CERS6: variants seen among roughly 807,000 people sequenced by gnomAD.
The protein encoded by CERS6 is LAG1 homolog, ceramide synthase 6.
Under a neutral mutation model 56.8 loss-of-function variants are expected in CERS6, and 26 were observed. The ratio of observed to expected loss-of-function variants is 0.46; its 90% CI spans 0.34 to 0.63. CERS6 has a LOEUF of 0.63. Ranked by LOEUF, CERS6 falls within the 30% of genes least tolerant of loss-of-function variation. The pLI is 0.01. For missense variants in CERS6, 415 were observed against 467.5 expected (o/e 0.89, Z 1.04); for synonymous variants, 164 against 173.3 (o/e 0.95, Z 0.42).
At chr2:168,560,592 A>G (rs1046561324) in intron 2 of CERS6, among the ~76,000 whole-genome samples, 1 of 152,190 alleles carries the variant, frequency 6.6e-6, no homozygotes, top group East Asian at 1.9e-4. Flanking sequence ...AAAAGGGATG[A>G]CCAAGAAAAC....
chr2:168,707,807 A>T (rs1458768339), intron 6 of CERS6, among the ~76,000 whole-genome samples: 20 of 151,968 alleles, frequency 1.3e-4, no homozygotes, highest in Admixed American at 1.2e-3. Flanking sequence ...TTGTCTTAAG[A>T]CCCTACACAA....
intron 6 of CERS6, among the ~76,000 whole-genome samples, chr2:168,709,069 A>G (rs560219550): frequency 1.3e-5 from 2 of 152,240 alleles, no homozygotes; most frequent in South Asian, 4.1e-4. Context: ...AGACGTTCAG[A>G]TCTGTGTCTC....
rs557102782 is a variant in CERS6 at position 168,563,582 on chromosome 2, G to T, written c.407+2260G>T. Among the ~76,000 whole-genome samples the T allele has an allele frequency of 6.6e-5, 10 of 152,276 alleles. No individual in the cohort carries two copies. In the East Asian group the frequency reaches 1.9e-3, roughly 29 times the overall value. On this transcript the variant is annotated intron_variant, in intron 3 of 9. Transcript: ENST00000305747. ...GGAGGCCGAGGCGGGCGGATCATGA[G>T]GTCAGGAGATCGAGACCATCCTGGC...
chr2:168,577,326 C>T (rs1477532207), intron 3 of CERS6, among the ~76,000 whole-genome samples: 1 of 152,158 alleles, frequency 6.6e-6, no homozygotes, highest in Non-Finnish European at 1.5e-5. Context: ...CATGTAGCAA[C>T]ATGCAAGTCA....
intron 3 of CERS6, among the ~76,000 whole-genome samples, chr2:168,574,081 A>C (rs1683187506): frequency 6.6e-6 from 1 of 152,118 alleles, no homozygotes; most frequent in Non-Finnish European, 1.5e-5. Flanking sequence ...TTATTCATTG[A>C]GATAGTATTG....
intron 8 of CERS6, among the ~76,000 whole-genome samples, chr2:168,728,209 A>C (rs531456976): frequency 6.6e-6 from 1 of 152,052 alleles, no homozygotes; most frequent in Admixed American, 6.6e-5. Flanking sequence ...AGCCTAAAGT[A>C]TTTGCTCTCT....
chr2:168,595,047 C>G lies in CERS6; in HGVS notation c.407+33725C>G, dbSNP rs913788140. Among the ~76,000 whole-genome samples the G allele has an allele frequency of 2.0e-5, 3 of 152,138 alleles. 1 individual carries two copies. Among genetic ancestry groups the G allele is most frequent in the African/African-American group, 7.2e-5 (3 of 41,428 alleles). ...TGCAGGTGCACTGGCTTGCAGCTGA[C>G]TCTTAGGTACAGGAAGGCATCATGA... On this transcript the variant is annotated intron_variant, in intron 3 of 9. Transcript: ENST00000305747.
At chr2:168,669,857 T>TA (rs1388725627) in intron 4 of CERS6, among the ~76,000 whole-genome samples, 1 of 152,212 alleles carries the variant, frequency 6.6e-6, no homozygotes, top group African/African-American at 2.4e-5. Context: ...GAATGTGTTG[T>TA]ATAGGAACAG....
intron 8 of CERS6, among the ~76,000 whole-genome samples, chr2:168,735,880 CAA>C (rs145418479): frequency 3.8e-5 from 4 of 106,584 alleles, no homozygotes; most frequent in Non-Finnish European, 5.4e-5. Flanking sequence ...GACCCTGTCT[CAA>C]AAAAAAAAAA....
intron 1 of CERS6, among the ~76,000 whole-genome samples, chr2:168,517,396 G>A (rs1004758681): frequency 1.3e-5 from 2 of 151,922 alleles, no homozygotes; most frequent in Non-Finnish European, 2.9e-5. Flanking sequence ...GGAGGCTGAG[G>A]CAGGAGAATT....
intron 3 of CERS6, among the ~76,000 whole-genome samples, chr2:168,609,597 T>C (rs1357457885): frequency 6.6e-6 from 1 of 152,202 alleles, no homozygotes; most frequent in East Asian, 1.9e-4. Flanking sequence ...AGTGGGGACC[T>C]TCATACCTTT....
At chr2:168,572,784 C>T (rs906321530) in intron 3 of CERS6, among the ~76,000 whole-genome samples, 3 of 152,120 alleles carry the variant, frequency 2.0e-5, no homozygotes, top group African/African-American at 7.2e-5. Flanking sequence ...GCATCCATCT[C>T]TGCTGTTTGA....
intron 8 of CERS6, among the ~76,000 whole-genome samples, chr2:168,746,387 G>T (rs1684096270): frequency 6.6e-6 from 1 of 151,782 alleles, no homozygotes; most frequent in South Asian, 2.1e-4. Context: ...TTACTTTATT[G>T]CCCTTGATCA....
chr2:168,747,308 A>G (rs1350480020), intron 8 of CERS6, among the ~76,000 whole-genome samples: 1 of 149,004 alleles, frequency 6.7e-6, no homozygotes, highest in African/African-American at 2.5e-5. Context: ...TTTTTTTTTA[A>G]TCTTTTGTCA....
At position 168,697,136 on chromosome 2, in the gene CERS6, C is replaced by T. The variant is rs142834872; in HGVS notation, c.609+2085C>T. On this transcript the variant is annotated intron_variant, in intron 6 of 9. Coordinates refer to ENST00000305747, the MANE Select transcript of CERS6 (RefSeq NM_203463.3). ...TCCTTCCACCATCCTACAGCAGTGG[C>T]TTACTTGGCTGGCAAAAAGCTATCT... 3.1e-3 allele frequency among the ~76,000 whole-genome samples: 479 copies of T among 152,294 alleles called. 6 individuals carry two copies. Among genetic ancestry groups the T allele is most frequent in the African/African-American group, 9.8e-3 (407 of 41,560 alleles).
chr2:168,733,366 C>G (rs1490712449), intron 8 of CERS6, among the ~76,000 whole-genome samples: 2 of 152,194 alleles, frequency 1.3e-5, no homozygotes, highest in African/African-American at 2.4e-5. Flanking sequence ...TGAAAAACAG[C>G]TAAGTGGATT....
intron 8 of CERS6, among the ~76,000 whole-genome samples, chr2:168,724,158 T>A (rs1329639465): frequency 6.6e-6 from 1 of 152,096 alleles, no homozygotes; most frequent in Non-Finnish European, 1.5e-5. Flanking sequence ...TCTGGTGGGT[T>A]CGTGGTCTCG....
At chr2:168,598,334 G>C (rs1250969363) in intron 3 of CERS6, among the ~76,000 whole-genome samples, 1 of 152,064 alleles carries the variant, frequency 6.6e-6, no homozygotes, top group African/African-American at 2.4e-5. Context: ...CCTCGTTTTT[G>C]GGGGGAAGAG....
chr2:168,550,716 G>A (rs1279595708), intron 2 of CERS6, among the ~76,000 whole-genome samples: 1 of 152,190 alleles, frequency 6.6e-6, no homozygotes, highest in East Asian at 1.9e-4. Context: ...CAACCCATGG[G>A]TGATGAAGGA....
Sources: allele counts gnomAD v4.1 joint callset (sites outside exome capture counted in the v4.1 genomes callset), GRCh38; gene constraint gnomAD v4.1.1; transcripts MANE v1.5; gene names NCBI Gene and HGNC (gene_info 2026-07-23, HGNC 2026-07-21).